The following UTY variants were observed in gnomAD, a reference collection of about 807,000 sequenced individuals.
The protein encoded by UTY is ubiquitously transcribed tetratricopeptide repeat containing, Y-linked.
Under a neutral mutation model 32.5 loss-of-function variants are expected in UTY, and 12 were observed. The observed-to-expected ratio is 0.37, with a 90% CI of 0.24 to 0.60. The LOEUF (loss-of-function observed/expected upper bound fraction) is 0.60. Ranked by LOEUF, UTY falls within the 20% of genes least tolerant of loss-of-function variation. The pLI is 0.69. For synonymous variants in UTY, 131 were observed against 103.4 expected, an observed-to-expected ratio of 1.27 and a Z score of -1.62; for missense variants, 303 against 299.2, an observed-to-expected ratio of 1.01 and a Z score of -0.09.
At chrY:13,305,184 T>C in intron 24 of UTY, among the ~76,000 whole-genome samples, 1 of 32,619 alleles carries the variant, frequency 3.1e-5, no homozygotes, top group Non-Finnish European at 7.5e-5. Flanking sequence ...CTTTCCCAGT[T>C]TACATTTTTC....
chrY:13,267,051 G>A, intron 27 of UTY, among the ~76,000 whole-genome samples: 1 of 32,362 alleles, frequency 3.1e-5, no homozygotes, highest in Non-Finnish European at 7.5e-5. Context: ...TTCAAAGTCC[G>A]GAATATCCTT....
intron 18 of UTY, among the ~76,000 whole-genome samples, chrY:13,329,022 T>C: frequency 3.0e-5 from 1 of 33,600 alleles, no homozygotes; most frequent in Non-Finnish European, 7.4e-5. Context: ...ATAAATTATA[T>C]ACAAGCAAGA....
chrY:13,448,618 T>C, intron 4 of UTY, among the ~76,000 whole-genome samples: 2 of 33,580 alleles, frequency 6.0e-5, no homozygotes, highest in Non-Finnish European at 1.5e-4. Flanking sequence ...ATGAATACAT[T>C]AACAATTACT....
chrY:13,248,910 G>T lies in UTY; in HGVS notation c.*946C>A. ...TAAAATCTATACAATTATATATCGA[G>T]GTTTCTGTATATATTATACATGTGT... On this transcript the variant is annotated 3_prime_UTR_variant, in exon 30 of 30. Transcript: ENST00000545955. 8.0e-5 allele frequency: 3 copies of T among 37,632 alleles called. No homozygotes were observed. The highest frequency in any genetic ancestry group is 3.5e-4 in the African/African-American group (3 of 8,647). 9.4% of individuals were successfully genotyped at this position (37,632 alleles called of 400,897 possible).
intron 3 of UTY, among the ~76,000 whole-genome samples, chrY:13,450,685 G>A: frequency 6.2e-5 from 2 of 32,276 alleles, no homozygotes; most frequent in African/African-American, 2.5e-4. Flanking sequence ...TTAGCCGGGC[G>A]TGGTGGCACG....
intron 8 of UTY, among the ~76,000 whole-genome samples, chrY:13,380,059 G>GTGTGTGTA (rs2065928192): frequency 1.4e-4 from 1 of 7,296 alleles, no homozygotes; most frequent in Non-Finnish European, 2.3e-4. Context: ...GTGTGTGTGT[G>GTGTGTGTA]TGTATATATA....
chrY:13,328,635 T>C, intron 18 of UTY, among the ~76,000 whole-genome samples: 1 of 33,644 alleles, frequency 3.0e-5, no homozygotes, highest in Admixed American at 2.7e-4. Context: ...CTGTGATTGT[T>C]TTCTTTTTCT....
At chrY:13,310,923 C>T (rs2059004870) in intron 21 of UTY, among the ~76,000 whole-genome samples, 1 of 31,625 alleles carries the variant, frequency 3.2e-5, no homozygotes, top group Non-Finnish European at 7.7e-5. Flanking sequence ...CCCGTCTCTA[C>T]TAAAAATACA....
At chrY:13,325,170 A>G (rs2032670) in intron 19 of UTY, among the ~76,000 whole-genome samples, 8 of 33,710 alleles carry the variant, frequency 2.4e-4, no homozygotes, top group African/African-American at 5.7e-4. Flanking sequence ...AAACTTTTAG[A>G]GAATAAAAAC....
At chrY:13,328,768 C>A (rs748769336) in intron 18 of UTY, among the ~76,000 whole-genome samples, 1 of 33,224 alleles carries the variant, frequency 3.0e-5, no homozygotes, top group African/African-American at 1.2e-4. Context: ...ACACTATTTA[C>A]AGCTTTTAAA....
intron 17 of UTY, among the ~76,000 whole-genome samples, chrY:13,354,262 G>A: frequency 6.1e-5 from 2 of 32,745 alleles, no homozygotes; most frequent in African/African-American, 2.4e-4. Context: ...AATTAGCTAG[G>A]AGTGGTGGCA....
intron 8 of UTY, among the ~76,000 whole-genome samples, chrY:13,386,715 T>C: frequency 3.0e-5 from 1 of 33,037 alleles, no homozygotes; most frequent in Non-Finnish European, 7.5e-5. Context: ...TTATTAATCC[T>C]GTAATCCCAG....
At chrY:13,415,847 GAAC>G in intron 4 of UTY, among the ~76,000 whole-genome samples, 1 of 34,199 alleles carries the variant, frequency 2.9e-5, no homozygotes, top group South Asian at 6.4e-4. Flanking sequence ...GCAACAACAA[GAAC>G]AACAACAGAA....
At chrY:13,286,699 G>A (rs922341957) in intron 27 of UTY, 91 of 366,120 alleles carry the variant, frequency 2.5e-4, no homozygotes, top group Non-Finnish European at 3.5e-4. Flanking sequence ...CCCGAGGGTC[G>A]GCTCTACCAA....
intron 4 of UTY, among the ~76,000 whole-genome samples, chrY:13,419,032 C>G: frequency 3.0e-5 from 1 of 33,078 alleles, no homozygotes; most frequent in Non-Finnish European, 7.5e-5. Flanking sequence ...CTTGATTTAC[C>G]GCACTAACCC....
chrY:13,280,971 C>CT (rs2056982778), intron 27 of UTY, among the ~76,000 whole-genome samples: 1 of 32,555 alleles, frequency 3.1e-5, no homozygotes, highest in Non-Finnish European at 7.5e-5. Context: ...AGCAGACTTC[C>CT]TGGTGAAATC....
chrY:13,397,167 T>G, intron 6 of UTY, among the ~76,000 whole-genome samples, 195 bp from the exon 7 acceptor site: 1 of 33,647 alleles, frequency 3.0e-5, no homozygotes, highest in South Asian at 6.5e-4. Flanking sequence ...GTTATTTCCC[T>G]GAGATAGTTA....
intron 9 of UTY, among the ~76,000 whole-genome samples, chrY:13,367,782 T>C (rs1022182765): frequency 3.0e-4 from 10 of 33,326 alleles, no homozygotes; most frequent in African/African-American, 1.2e-3. Context: ...CTATATTCTA[T>C]ATGATAACAT....
At chrY:13,363,654 T>G in intron 10 of UTY, among the ~76,000 whole-genome samples, 1 of 32,623 alleles carries the variant, frequency 3.1e-5, no homozygotes, top group Non-Finnish European at 7.5e-5. Flanking sequence ...CTATTTATAG[T>G]AAAAAGAACT....
Sources: gnomAD v4.1 joint callset for allele counts (sites outside exome capture counted in the v4.1 genomes callset) on GRCh38, gnomAD v4.1.1 for gene constraint, MANE v1.5 for transcripts, NCBI Gene and HGNC (gene_info 2026-07-23, HGNC 2026-07-21) for gene names.